The following USH2A variants were observed in gnomAD, a reference collection of about 807,000 sequenced individuals.
The protein encoded by USH2A is usherin.
A neutral mutation model predicts 538.9 loss-of-function variants in USH2A; 443 were observed. The ratio of observed to expected loss-of-function variants is 0.82; its 90% CI spans 0.76 to 0.89. USH2A has a LOEUF of 0.89. Among genes scored for constraint, USH2A ranks in the 40% least tolerant of loss-of-function variants. USH2A has a pLI of 0.00. For synonymous variants in USH2A, 2,413 were observed against 2,273.5 expected, an observed-to-expected ratio of 1.06 and a Z score of -1.75; for missense variants, 6,633 against 6,324.8, an observed-to-expected ratio of 1.05 and a Z score of -1.65.
At chr1:216,174,309 T>C (rs2034330061) in intron 21 of USH2A, 1 of 976,228 alleles carries the variant, frequency 1.0e-6, no homozygotes, top group Non-Finnish European at 1.2e-6. Context: ...AATATATATC[T>C]TATACTTTGT....
chr1:216,249,568 C>T (rs1323548160), intron 12 of USH2A, among the ~76,000 whole-genome samples: 5 of 152,134 alleles, frequency 3.3e-5, no homozygotes, highest in Admixed American at 6.6e-5. Flanking sequence ...ATGTACTTCT[C>T]TTTACACGTT....
chr1:216,253,587 T>G (rs1319047145), intron 11 of USH2A, among the ~76,000 whole-genome samples: 1 of 152,134 alleles, frequency 6.6e-6, no homozygotes, highest in Non-Finnish European at 1.5e-5. Flanking sequence ...CCTCCTTAAG[T>G]TTATAAGAAT....
intron 38 of USH2A, among the ~76,000 whole-genome samples, chr1:215,929,425 C>A (rs1380053515): frequency 6.6e-6 from 1 of 151,958 alleles, no homozygotes; most frequent in African/African-American, 2.4e-5. Flanking sequence ...TCACAACCAC[C>A]CCTTAGCAGG....
At chr1:215,889,529 A>G (rs749650621) in intron 40 of USH2A, among the ~76,000 whole-genome samples, 14 of 152,132 alleles carry the variant, frequency 9.2e-5, no homozygotes, top group Admixed American at 3.3e-4. Flanking sequence ...TCTATATTAT[A>G]CTTGGTTCTG....
At chr1:216,231,804 T>C (rs917911898) in intron 14 of USH2A, 149 bp downstream of exon 14, 44 of 881,784 alleles carry the variant, frequency 5.0e-5, no homozygotes, top group Non-Finnish European at 7.6e-5. Context: ...CCGCCTGCCT[T>C]GGTCTCTCAA....
intron 3 of USH2A, among the ~76,000 whole-genome samples, chr1:216,377,189 T>C (rs1029633956): frequency 7.9e-5 from 12 of 152,310 alleles, no homozygotes; most frequent in African/African-American, 2.6e-4. Context: ...TGAAATATGA[T>C]TTGAATTGTT....
At chr1:216,141,807 C>T (rs369731) in intron 21 of USH2A, among the ~76,000 whole-genome samples, 45,787 of 151,988 alleles carry the variant, frequency 0.3, 8,337 homozygotes, top group East Asian at 0.71. Flanking sequence ...ATATCCCAGA[C>T]ATAATATCCA....
intron 35 of USH2A, among the ~76,000 whole-genome samples, chr1:215,971,510 C>G (rs541410238): frequency 6.6e-5 from 10 of 152,106 alleles, no homozygotes; most frequent in Non-Finnish European, 8.8e-5. Flanking sequence ...AATCCCAACA[C>G]TTTGGGAGGC....
intron 9 of USH2A, among the ~76,000 whole-genome samples, chr1:216,317,673 C>T (rs2037534057): frequency 2.0e-5 from 3 of 151,354 alleles, no homozygotes; most frequent in East Asian, 2.0e-4. Flanking sequence ...CAAGGTGAAA[C>T]CCATCTCTAC....
At chr1:216,266,244 G>A (rs2036470777) in intron 11 of USH2A, among the ~76,000 whole-genome samples, 1 of 152,082 alleles carries the variant, frequency 6.6e-6, no homozygotes, top group South Asian at 2.1e-4. Flanking sequence ...ACCACATGCT[G>A]GTGGAAAAAC....
At chr1:215,627,701 T>A (rs1023184993) in intron 71 of USH2A, among the ~76,000 whole-genome samples, 8 of 152,068 alleles carry the variant, frequency 5.3e-5, no homozygotes, top group African/African-American at 1.7e-4. Flanking sequence ...AATTTTTGTA[T>A]TTTTGGTAGA....
At chr1:215,818,044 T>C (rs1662907996) in intron 47 of USH2A, among the ~76,000 whole-genome samples, 1 of 152,030 alleles carries the variant, frequency 6.6e-6, no homozygotes, top group Admixed American at 6.6e-5. Context: ...ATTTTCTTAA[T>C]GAGATTTTCT....
intron 3 of USH2A, among the ~76,000 whole-genome samples, chr1:216,406,545 T>C (rs542448078): frequency 6.6e-6 from 1 of 152,338 alleles, no homozygotes; most frequent in South Asian, 2.1e-4. Context: ...CTACCTATAC[T>C]AGACCTCTCC....
chr1:216,289,854 G>A (rs1015010587), intron 10 of USH2A, among the ~76,000 whole-genome samples: 1 of 152,044 alleles, frequency 6.6e-6, no homozygotes, highest in African/African-American at 2.4e-5. Context: ...TGTAAAATGG[G>A]AGACTTCTCT....
rs1238051508 is a variant in USH2A at position 216,325,404 on chromosome 1, A to G, written c.1044T>C (p.Asn348=). The G allele has an allele frequency of 6.2e-7, 1 of 1,613,834 alleles. No homozygotes were observed. Among genetic ancestry groups the G allele is most frequent in the Non-Finnish European group, 8.5e-7 (1 of 1,179,918 alleles). The change falls in exon 6 of 72, where the codon AAT becomes AAC. Residue 348 remains asparagine (N), a synonymous_variant. Coordinates refer to ENST00000307340, the MANE Select transcript of USH2A (RefSeq NM_206933.4). ...TTGAAACCCATGAAGTACCAACATC[A>G]TTATCATTGACAAAAGAGAGAGGAT... ...EAHPLSFVND[N]DVGTSWVSNV...
chr1:215,693,229 C>T (rs927121165), intron 61 of USH2A, among the ~76,000 whole-genome samples: 4 of 151,644 alleles, frequency 2.6e-5, no homozygotes, highest in Admixed American at 2.6e-4. Flanking sequence ...AATCCACCTG[C>T]CTTGGCCTCC....
intron 4 of USH2A, among the ~76,000 whole-genome samples, chr1:216,362,008 G>A (rs2038499952): frequency 6.6e-6 from 1 of 152,140 alleles, no homozygotes; most frequent in Non-Finnish European, 1.5e-5. Context: ...GGGACTCTGA[G>A]ATTCTGGAAA....
intron 34 of USH2A, among the ~76,000 whole-genome samples, chr1:215,996,759 T>C (rs1668153556): frequency 6.6e-6 from 1 of 152,050 alleles, no homozygotes; most frequent in Admixed American, 6.6e-5. Context: ...CAATAGGCCC[T>C]GTGCTTGAAA....
chr1:216,351,890 C>T (rs2038294937), intron 4 of USH2A, among the ~76,000 whole-genome samples: 2 of 151,866 alleles, frequency 1.3e-5, no homozygotes, highest in African/African-American at 4.8e-5. Context: ...AGGATGACTC[C>T]AAATCTTTTT....
Sources: allele counts gnomAD v4.1 joint callset (sites outside exome capture counted in the v4.1 genomes callset), GRCh38; gene constraint gnomAD v4.1.1; transcripts MANE v1.5; gene names NCBI Gene and HGNC (gene_info 2026-07-23, HGNC 2026-07-21).